Variants in APBB2 observed in about 807,000 individuals in gnomAD.
APBB2 encodes amyloid beta precursor protein binding family B member 2.
Under a neutral mutation model 82.5 loss-of-function variants are expected in APBB2, and 38 were observed. The observed-to-expected ratio is 0.46, with a 90% CI of 0.36 to 0.60. APBB2 has a LOEUF of 0.60. APBB2 is among the 20% of genes least tolerant of loss of function. The pLI, the probability that APBB2 is intolerant of heterozygous loss-of-function variation, is 0.00. For missense variants in APBB2, 772 were observed against 972.3 expected (o/e 0.79, Z 2.74); for synonymous variants, 341 against 368.2 (o/e 0.93, Z 0.85).
In APBB2 at chr4:40,924,546, C is replaced by T. The variant is rs937441235; in HGVS notation, c.1254+9910G>A. Among the ~76,000 whole-genome samples the T allele has an allele frequency of 8.5e-5, 13 of 152,274 alleles. 1 individual carries two copies. Among genetic ancestry groups the T allele is most frequent in the South Asian group, 6.2e-4 (3 of 4,820 alleles). ...ACCTTCCTGCTTCTTAGAAGCTGGA[C>T]ACCAGGTAAAAAGTACAACTGCCTA... On this transcript the variant is annotated intron_variant, in intron 10 of 17. Transcript: ENST00000508593.
At chr4:40,960,351 T>C (rs984737809) in intron 6 of APBB2, among the ~76,000 whole-genome samples, 15 of 151,208 alleles carry the variant, frequency 9.9e-5, no homozygotes, top group African/African-American at 3.6e-4. Flanking sequence ...CACAAGAGAA[T>C]AGACCCATGG....
intron 1 of APBB2, among the ~76,000 whole-genome samples, chr4:41,172,858 T>C (rs1054399819): frequency 6.6e-6 from 1 of 152,240 alleles, no homozygotes; most frequent in Non-Finnish European, 1.5e-5. Context: ...AGGATACTTT[T>C]TGACTGTCAA....
intron 6 of APBB2, among the ~76,000 whole-genome samples, chr4:41,010,988 A>G (rs1400870903): frequency 6.6e-6 from 1 of 152,080 alleles, no homozygotes; most frequent in Non-Finnish European, 1.5e-5. Flanking sequence ...TGGAGAAAAT[A>G]CCATACACAA....
At chr4:40,920,427 C>A (rs2154367826) in intron 10 of APBB2, among the ~76,000 whole-genome samples, 1 of 152,320 alleles carries the variant, frequency 6.6e-6, no homozygotes, top group African/African-American at 2.4e-5. Context: ...ACACAAACCA[C>A]ACACATACAC....
At chr4:41,068,483 A>C (rs1732688798) in intron 3 of APBB2, among the ~76,000 whole-genome samples, 1 of 152,198 alleles carries the variant, frequency 6.6e-6, no homozygotes, top group South Asian at 2.1e-4. Flanking sequence ...GTTGAGAATG[A>C]GATGACAGGT....
chr4:40,872,306 T>G (rs1380935806), intron 12 of APBB2, among the ~76,000 whole-genome samples: 1 of 152,218 alleles, frequency 6.6e-6, no homozygotes, highest in Non-Finnish European at 1.5e-5. Flanking sequence ...GATTTTTGGT[T>G]GTTATTACAG....
At chr4:41,047,659 G>C (rs1723918425) in intron 4 of APBB2, among the ~76,000 whole-genome samples, 1 of 152,234 alleles carries the variant, frequency 6.6e-6, no homozygotes, top group Non-Finnish European at 1.5e-5. Context: ...AAAAGCAGCA[G>C]AGCCCAGGCT....
At chr4:41,035,191 T>G (rs370686373) in intron 4 of APBB2, among the ~76,000 whole-genome samples, 1 of 152,196 alleles carries the variant, frequency 6.6e-6, no homozygotes, top group South Asian at 2.1e-4. Context: ...CAACTTAAAT[T>G]GAAAAACCTT....
intron 1 of APBB2, among the ~76,000 whole-genome samples, chr4:41,157,644 G>A (rs1035026331): frequency 4.6e-5 from 7 of 152,288 alleles, no homozygotes; most frequent in African/African-American, 1.7e-4. Flanking sequence ...CAATACAGGG[G>A]CAGTGAGAAA....
intron 1 of APBB2, among the ~76,000 whole-genome samples, chr4:41,186,416 G>A (rs1772916442): frequency 6.6e-6 from 1 of 152,102 alleles, no homozygotes; most frequent in Admixed American, 6.6e-5. Flanking sequence ...AGCTTTGCAG[G>A]GCTGTGTATG....
chr4:40,940,324 A>T (rs1219750463), intron 7 of APBB2, among the ~76,000 whole-genome samples: 1 of 152,296 alleles, frequency 6.6e-6, no homozygotes, highest in African/African-American at 2.4e-5. Flanking sequence ...TGTCCTACTT[A>T]CTCAGCGTAA....
intron 1 of APBB2, among the ~76,000 whole-genome samples, chr4:41,156,602 C>G (rs578135722): frequency 6.6e-6 from 1 of 152,194 alleles, no homozygotes; most frequent in African/African-American, 2.4e-5. Context: ...TTAATGTCTG[C>G]TGTACATCTG....
At chr4:41,033,522 G>C (rs971634838) in intron 4 of APBB2, among the ~76,000 whole-genome samples, 4 of 149,858 alleles carry the variant, frequency 2.7e-5, no homozygotes, top group Admixed American at 1.3e-4. Flanking sequence ...CATTTATTGA[G>C]GATTTTTTTC....
intron 6 of APBB2, among the ~76,000 whole-genome samples, chr4:40,988,721 T>C (rs1801134961): frequency 6.7e-6 from 1 of 149,844 alleles, no homozygotes; most frequent in Non-Finnish European, 1.5e-5. Context: ...AATATTACTG[T>C]GACGAATGAT....
At chr4:40,979,763 C>T (rs1030250144) in intron 6 of APBB2, among the ~76,000 whole-genome samples, 4 of 152,204 alleles carry the variant, frequency 2.6e-5, no homozygotes, top group African/African-American at 4.8e-5. Context: ...TGAATTCTGC[C>T]GACAAGTGTG....
intron 12 of APBB2, among the ~76,000 whole-genome samples, chr4:40,866,780 C>T (rs753626550): frequency 5.9e-5 from 9 of 152,096 alleles, no homozygotes; most frequent in Admixed American, 2.0e-4. Context: ...TGCAGTGGTA[C>T]GATCTCTACT....
intron 6 of APBB2, among the ~76,000 whole-genome samples, chr4:41,006,899 T>C (rs1339338533): frequency 6.6e-6 from 1 of 152,240 alleles, no homozygotes; most frequent in African/African-American, 2.4e-5. Context: ...TCCAAAGCTC[T>C]ATCACTTAAG....
intron 17 of APBB2, among the ~76,000 whole-genome samples, chr4:40,818,991 A>C (rs919635736): frequency 2.6e-5 from 4 of 151,966 alleles, no homozygotes; most frequent in Admixed American, 2.6e-4. Flanking sequence ...CTGGGACTAC[A>C]GGTGCAAACT....
intron 6 of APBB2, among the ~76,000 whole-genome samples, chr4:40,974,001 G>A (rs1202930762): frequency 6.6e-6 from 1 of 151,882 alleles, no homozygotes. Flanking sequence ...ACAGGCACGC[G>A]CCACCACACC....
Sources: gnomAD v4.1 joint callset for allele counts (sites outside exome capture counted in the v4.1 genomes callset) on GRCh38, gnomAD v4.1.1 for gene constraint, MANE v1.5 for transcripts, NCBI Gene and HGNC (gene_info 2026-07-23, HGNC 2026-07-21) for gene names.